Variants in SLC14A2 observed in about 807,000 individuals in gnomAD.
The protein encoded by SLC14A2 is urea transporter 2.
SLC14A2 carries 91 observed loss-of-function variants against 104.6 expected under a neutral mutation model. The observed-to-expected ratio is 0.87, with a 90% CI of 0.73 to 1.04. The LOEUF is 1.04. Among genes scored for constraint, SLC14A2 ranks in the 50% least tolerant of loss-of-function variants. The probability of loss-of-function intolerance (pLI) is 0.00; values close to 1 mark genes in which losing one functional copy is unlikely to be tolerated. For missense variants in SLC14A2, 1,189 were observed against 1,156.0 expected, an observed-to-expected ratio of 1.03 and a Z score of -0.41; for synonymous variants, 476 against 466.4, an observed-to-expected ratio of 1.02 and a Z score of -0.27.
chr18:45,515,714 G>T (rs1568253657), intron 2 of SLC14A2: 1 of 152,380 alleles, frequency 6.6e-6, no homozygotes, highest in African/African-American at 2.4e-5. Context: ...TCATCCCTGT[G>T]GATGTAGACA....
chr18:45,179,617 G>A, the SLC14A2 span, among the ~76,000 whole-genome samples: 3 of 152,094 alleles, frequency 2.0e-5, no homozygotes, highest in Admixed American at 1.3e-4. Flanking sequence ...GAATGCCGAA[G>A]GAGAACACAG....
chr18:45,625,447 A>G (rs1432483419), intron 2 of SLC14A2, among the ~76,000 whole-genome samples: 1 of 152,230 alleles, frequency 6.6e-6, no homozygotes, highest in African/African-American at 2.4e-5. Context: ...TTAAACTGCC[A>G]AAAGAGATCC....
chr18:45,478,532 C>T (rs540059514), intron 1 of SLC14A2, among the ~76,000 whole-genome samples: 51 of 152,328 alleles, frequency 3.3e-4, no homozygotes, highest in African/African-American at 1.2e-3. Flanking sequence ...TTCCTTTTAT[C>T]ATTACCTTCT....
At chr18:45,218,377 T>C (rs944335991) in intron 1 of SLC14A2, among the ~76,000 whole-genome samples, 2 of 152,258 alleles carry the variant, frequency 1.3e-5, no homozygotes, top group Non-Finnish European at 2.9e-5. Flanking sequence ...TATTCTATTG[T>C]ATGCATAGGC....
At chr18:45,480,445 G>T (rs1368561608) in intron 1 of SLC14A2, among the ~76,000 whole-genome samples, 1 of 152,138 alleles carries the variant, frequency 6.6e-6, no homozygotes. Flanking sequence ...GAGTGTTCAT[G>T]CCTACCTGGA....
At chr18:45,185,798 G>T in the SLC14A2 span, among the ~76,000 whole-genome samples, 7 of 152,102 alleles carry the variant, frequency 4.6e-5, no homozygotes, top group Admixed American at 4.6e-4. Context: ...AAGGCATCAG[G>T]ATTAACAATT....
At chr18:45,241,948 C>A (rs2084322299) in intron 1 of SLC14A2, among the ~76,000 whole-genome samples, 1 of 152,032 alleles carries the variant, frequency 6.6e-6, no homozygotes, top group South Asian at 2.1e-4. Flanking sequence ...CGGCAACTTA[C>A]CTGATTTTCA....
chr18:45,182,719 G>A, the SLC14A2 span, among the ~76,000 whole-genome samples: 1 of 151,964 alleles, frequency 6.6e-6, no homozygotes, highest in Non-Finnish European at 1.5e-5. Flanking sequence ...AAGTAGAAGA[G>A]TATAAAATGT....
chr18:45,595,602 T>G (rs1345515073), intron 2 of SLC14A2, among the ~76,000 whole-genome samples: 1 of 152,234 alleles, frequency 6.6e-6, no homozygotes, highest in Non-Finnish European at 1.5e-5. Context: ...CCAGGTCTCG[T>G]GGCCTCTTTC....
At chr18:45,363,240 T>A (rs576171630) in intron 1 of SLC14A2, among the ~76,000 whole-genome samples, 15 of 152,106 alleles carry the variant, frequency 9.9e-5, no homozygotes, top group Non-Finnish European at 1.6e-4. Context: ...CCACAGAAGC[T>A]GGAGTTAGGG....
At chr18:45,402,537 TTG>T (rs2086108119) in intron 1 of SLC14A2, among the ~76,000 whole-genome samples, 2 of 152,214 alleles carry the variant, frequency 1.3e-5, no homozygotes, top group Non-Finnish European at 2.9e-5. Flanking sequence ...ACTATACCAT[TTG>T]TGTGTTTATC....
chr18:45,320,921 G>T (rs1055063760), intron 1 of SLC14A2, among the ~76,000 whole-genome samples: 1 of 152,138 alleles, frequency 6.6e-6, no homozygotes, highest in East Asian at 1.9e-4. Flanking sequence ...CATAAAGATT[G>T]CATCATCAGT....
rs117147188 is a variant in SLC14A2 at position 45,256,944 on chromosome 18, G to A, written c.-125+43753G>A. ...TCATGGTCAAGGCCATGAAATGGCC[G>A]TATATTACCCCTTTACATGGACCAG... On this transcript the variant is annotated intron_variant, in intron 1 of 20. Coordinates refer to the SLC14A2 transcript ENST00000586448. Among the ~76,000 whole-genome samples, 913 of 152,356 alleles carry A rather than the reference G, an allele frequency of 6.0e-3. 8 individuals carry two copies. Among genetic ancestry groups the A allele is most frequent in the Non-Finnish European group, 9.5e-3 (649 of 68,032 alleles).
intron 1 of SLC14A2, among the ~76,000 whole-genome samples, chr18:45,406,564 T>A (rs769988006): frequency 3.3e-5 from 5 of 152,218 alleles, no homozygotes; most frequent in African/African-American, 7.2e-5. Flanking sequence ...AGAAGGTTTT[T>A]TTTTACTTTG....
In SLC14A2 at chr18:45,340,533, A is replaced by T. The variant is rs559106783; in HGVS notation, c.-125+127342A>T. The stretch of plus-strand genomic sequence containing the variant: ...TATCTCTGATATTCAATCGGAGTCC[A>T]TCATAGAATGCCTAACAGAAAAGTC... On this transcript the variant is annotated intron_variant, in intron 1 of 20. Coordinates refer to the SLC14A2 transcript ENST00000586448. 3.3e-5 allele frequency among the ~76,000 whole-genome samples: 5 copies of T among 152,348 alleles called. No individual in the cohort carries two copies. The South Asian group carries it at 6.2e-4, about 19-fold the overall frequency.
intron 1 of SLC14A2, among the ~76,000 whole-genome samples, chr18:45,477,036 T>C (rs1344402714): frequency 2.6e-5 from 4 of 152,038 alleles, no homozygotes; most frequent in Admixed American, 2.6e-4. Flanking sequence ...TGGCGGGGAG[T>C]TGTGATCCTT....
At chr18:45,600,435 A>G (rs376966176) in intron 2 of SLC14A2, among the ~76,000 whole-genome samples, 10 of 152,278 alleles carry the variant, frequency 6.6e-5, no homozygotes, top group African/African-American at 2.2e-4. Flanking sequence ...GGAGAAATTG[A>G]GTCAGGCATC....
At chr18:45,215,798 A>G (rs2084005095) in intron 1 of SLC14A2, among the ~76,000 whole-genome samples, 1 of 152,090 alleles carries the variant, frequency 6.6e-6, no homozygotes, top group African/African-American at 2.4e-5. Flanking sequence ...CTTTCCCAGT[A>G]CCGGTTCTTT....
In SLC14A2 at chr18:45,617,853, C is replaced by T. The variant is rs56073318; in HGVS notation, c.-35+2271C>T. Among the ~76,000 whole-genome samples the T allele has an allele frequency of 2.9e-3, 437 of 152,268 alleles. 3 individuals are homozygous for T. The highest frequency in any genetic ancestry group is 0.01 in the African/African-American group (433 of 41,546). ...TCAGCAAGGTCCTTTCAGAATGATG[C>T]TGTCACTGAGATCCTGGTGGCAAGA... On this transcript the variant is annotated intron_variant, in intron 1 of 19. Coordinates refer to ENST00000255226, the MANE Select transcript of SLC14A2 (RefSeq NM_007163.4).
Sources: allele counts gnomAD v4.1 joint callset (sites outside exome capture counted in the v4.1 genomes callset), GRCh38; gene constraint gnomAD v4.1.1; transcripts MANE v1.5; gene names NCBI Gene and HGNC (gene_info 2026-07-23, HGNC 2026-07-21).